Variants in MCU observed in about 807,000 individuals in gnomAD.
The protein encoded by MCU is mitochondrial calcium uniporter, also known as calcium uniporter protein, mitochondrial.
A neutral mutation model predicts 45.2 loss-of-function variants in MCU; 12 were observed. The ratio of observed to expected loss-of-function variants is 0.27; its 90% CI spans 0.17 to 0.43. MCU has a LOEUF of 0.43. Among genes scored for constraint, MCU ranks in the 20% least tolerant of loss-of-function variants. The pLI is 1.00. For synonymous variants in MCU, 160 were observed against 165.1 expected (o/e 0.97, Z 0.24); for missense variants, 324 against 436.7 (o/e 0.74, Z 2.30).
chr10:72,747,166 C>A (rs1843425937), intron 1 of MCU, among the ~76,000 whole-genome samples: 2 of 152,194 alleles, frequency 1.3e-5, no homozygotes, highest in African/African-American at 4.8e-5. Flanking sequence ...TGCACTCCTT[C>A]TCTGTTGCCA....
intron 1 of MCU, among the ~76,000 whole-genome samples, chr10:72,820,802 A>G (rs1202808885): frequency 7.9e-5 from 12 of 152,182 alleles, no homozygotes; most frequent in Non-Finnish European, 1.0e-4. Flanking sequence ...GTGAGCCACC[A>G]CGCCCGGCCT....
intron 1 of MCU, among the ~76,000 whole-genome samples, chr10:72,794,863 G>A (rs1768526054): frequency 6.6e-6 from 1 of 152,090 alleles, no homozygotes; most frequent in Non-Finnish European, 1.5e-5. Context: ...GAGTACCTAT[G>A]TAAATCTCCC....
chr10:72,796,402 C>G, intron 1 of MCU, among the ~76,000 whole-genome samples: 1 of 152,180 alleles, frequency 6.6e-6, no homozygotes. Flanking sequence ...GCCTGGGTAC[C>G]TGAGTGAGAC....
intron 1 of MCU, among the ~76,000 whole-genome samples, chr10:72,815,973 G>A (rs1844619134): frequency 1.3e-5 from 2 of 152,148 alleles, no homozygotes; most frequent in South Asian, 4.1e-4. Context: ...GAGGCCATAA[G>A]TTCAAGATCA....
intron 2 of MCU, among the ~76,000 whole-genome samples, chr10:72,836,809 T>G (rs1319389558): frequency 6.6e-6 from 1 of 152,180 alleles, no homozygotes; most frequent in East Asian, 1.9e-4. Flanking sequence ...CTTTCTAATT[T>G]TGTACTTCTA....
At chr10:72,780,148 A>C (rs1032958484) in intron 1 of MCU, among the ~76,000 whole-genome samples, 3 of 152,206 alleles carry the variant, frequency 2.0e-5, no homozygotes, top group African/African-American at 4.8e-5. Flanking sequence ...GAACCTTGAA[A>C]ATATGGTAAA....
At chr10:72,715,916 A>G (rs184907273) in intron 1 of MCU, 5 of 983,920 alleles carry the variant, frequency 5.1e-6, no homozygotes, top group East Asian at 1.1e-4. Flanking sequence ...TGTGAAGATC[A>G]TGATTCATAA....
chr10:72,770,098 A>G (rs772803895), intron 1 of MCU, among the ~76,000 whole-genome samples: 2 of 151,910 alleles, frequency 1.3e-5, no homozygotes, highest in Non-Finnish European at 2.9e-5. Flanking sequence ...CCACATATTT[A>G]TGAATTTACC....
At chr10:72,859,086 A>G in intron 2 of MCU, 91 bp from the exon 3 acceptor site, 2 of 1,222,076 alleles carry the variant, frequency 1.6e-6, no homozygotes, top group Non-Finnish European at 2.3e-6. Flanking sequence ...AATCACACTA[A>G]TAATAGACCC....
intron 4 of MCU, among the ~76,000 whole-genome samples, chr10:72,863,922 C>T (rs1210268032): frequency 6.6e-6 from 1 of 152,142 alleles, no homozygotes; most frequent in South Asian, 2.1e-4. Flanking sequence ...TTCCTATTTT[C>T]TATCGTTTAC....
At chr10:72,832,626 T>A (rs559961367) in intron 1 of MCU, among the ~76,000 whole-genome samples, 1 of 152,324 alleles carries the variant, frequency 6.6e-6, no homozygotes, top group East Asian at 1.9e-4. Flanking sequence ...AAAATCCTTT[T>A]TTAACCCATG....
At position 72,860,456 on chromosome 10, in the gene MCU, A is replaced by G. The variant is rs1471677924; in HGVS notation, c.425A>G (p.Asp142Gly). The change falls in exon 4 of 8, where the codon GAC (aspartate) becomes GGC (glycine). Residue 142 changes from aspartate to glycine, a missense_variant. Around this residue, in one of 4 missense-constraint regions of MCU, gnomAD observed 135 missense variants for 207.3 expected, o/e 0.65. Transcript: ENST00000373053. ...CGCGTTGCTGCTTCAACAGGAATAG[A>G]CCTCCTCCTCCTTGATGACTTTAAG... Reference protein sequence around the residue: ...GVRVAASTGIDLLLLDDFKLV... With the variant: ...GVRVAASTGIGLLLLDDFKLV... 6.2e-7 allele frequency: 1 copy of G among 1,613,920 alleles called. No homozygotes were observed. Among genetic ancestry groups the G allele is most frequent in the South Asian group, 1.1e-5 (1 of 91,072 alleles).
chr10:72,882,482 G>A (rs1453864012), intron 6 of MCU, among the ~76,000 whole-genome samples: 3 of 152,146 alleles, frequency 2.0e-5, no homozygotes, highest in African/African-American at 7.2e-5. Context: ...CCCTGAGGTT[G>A]GGTCTCTAAA....
intron 1 of MCU, among the ~76,000 whole-genome samples, chr10:72,699,439 G>A (rs1237535039): frequency 6.6e-6 from 1 of 151,928 alleles, no homozygotes; most frequent in Non-Finnish European, 1.5e-5. Context: ...TCCGGGAGAC[G>A]GAGGTTGCAG....
At chr10:72,692,631 C>T (rs959190212) in intron 1 of MCU, 4 of 1,116,724 alleles carry the variant, frequency 3.6e-6, no homozygotes, top group Non-Finnish European at 4.4e-6. Flanking sequence ...TCGTTCTTAA[C>T]AGCCCTGCCC....
At chr10:72,772,966 G>A (rs1028797519) in intron 1 of MCU, among the ~76,000 whole-genome samples, 2 of 152,134 alleles carry the variant, frequency 1.3e-5, no homozygotes, top group Middle Eastern at 6.8e-3. Context: ...TGGCACGACC[G>A]TGGCTCACTG....
intron 1 of MCU, among the ~76,000 whole-genome samples, chr10:72,776,344 A>G (rs988909836): frequency 2.6e-5 from 4 of 152,222 alleles, no homozygotes; most frequent in African/African-American, 9.6e-5. Context: ...ACCAAATTCA[A>G]CAACACATTA....
chr10:72,851,524 G>A (rs1845206366), intron 2 of MCU, among the ~76,000 whole-genome samples: 1 of 152,106 alleles, frequency 6.6e-6, no homozygotes. Context: ...GGGGGCTAAG[G>A]GAATGAGTGC....
At chr10:72,766,420 T>C (rs1843727513) in intron 1 of MCU, 1 of 152,190 alleles carries the variant, frequency 6.6e-6, no homozygotes, top group African/African-American at 2.4e-5. Flanking sequence ...CCTTTATATA[T>C]TGCTAAGTAC....
Sources: allele counts gnomAD v4.1 joint callset (sites outside exome capture counted in the v4.1 genomes callset), GRCh38; gene constraint gnomAD v4.1.1; regional missense constraint gnomAD v4.1.1; transcripts MANE v1.5; gene names NCBI Gene and HGNC (gene_info 2026-07-23, HGNC 2026-07-21).